BACH2: variants seen among roughly 807,000 people sequenced by gnomAD.
The protein encoded by BACH2 is transcription regulator protein BACH2.
BACH2 carries 5 observed loss-of-function variants against 61.8 expected under a neutral mutation model. The ratio of observed to expected loss-of-function variants is 0.08; its 90% confidence interval spans 0.04 to 0.17. The LOEUF (loss-of-function observed/expected upper bound fraction) is 0.17. BACH2 is among the 10% of genes least tolerant of loss of function. The probability of loss-of-function intolerance (pLI) is 1.00; values close to 1 mark genes in which losing one functional copy is unlikely to be tolerated. For missense variants in BACH2, 824 were observed against 1,091.1 expected (o/e 0.76, Z 3.45); for synonymous variants, 446 against 440.1 (o/e 1.01, Z -0.17).
chr6:90,098,772 T>C (rs1782490526), intron 4 of BACH2, among the ~76,000 whole-genome samples: 2 of 152,200 alleles, frequency 1.3e-5, no homozygotes, highest in East Asian at 1.9e-4. Context: ...TAACTTCTTC[T>C]GGGGCCACTT....
At chr6:90,191,463 A>G (rs1006272115) in intron 4 of BACH2, among the ~76,000 whole-genome samples, 3 of 152,206 alleles carry the variant, frequency 2.0e-5, no homozygotes, top group South Asian at 2.1e-4. Flanking sequence ...TCATTCTGGG[A>G]TTTTGTATTT....
chr6:90,295,280 A>G (rs1772305223), intron 1 of BACH2, among the ~76,000 whole-genome samples: 1 of 151,678 alleles, frequency 6.6e-6, no homozygotes, highest in African/African-American at 2.4e-5. Flanking sequence ...AAGTTACCAA[A>G]CTCGCCTACG....
intron 4 of BACH2, among the ~76,000 whole-genome samples, chr6:90,177,235 T>C (rs1238370865): frequency 6.6e-6 from 1 of 152,160 alleles, no homozygotes; most frequent in Non-Finnish European, 1.5e-5. Context: ...ACTATTTTAT[T>C]CACATGTATG....
intron 4 of BACH2, among the ~76,000 whole-genome samples, chr6:90,185,858 T>C (rs1433262484): frequency 2.0e-5 from 3 of 152,232 alleles, no homozygotes. Context: ...ATTAAAAATG[T>C]AGACAGAATA....
chr6:90,141,605 A>G (rs962866813), intron 4 of BACH2, among the ~76,000 whole-genome samples: 1 of 152,120 alleles, frequency 6.6e-6, no homozygotes, highest in Non-Finnish European at 1.5e-5. Context: ...AACAAAACAA[A>G]ACAACAATAA....
At chr6:89,941,875 T>C (rs888625906) in intron 7 of BACH2, among the ~76,000 whole-genome samples, 4 of 152,162 alleles carry the variant, frequency 2.6e-5, no homozygotes, top group African/African-American at 9.7e-5. Flanking sequence ...TGTATTTAAA[T>C]CATCCAGACA....
chr6:90,072,995 C>T (rs1433217216), intron 5 of BACH2, among the ~76,000 whole-genome samples: 2 of 152,144 alleles, frequency 1.3e-5, no homozygotes, highest in African/African-American at 4.8e-5. Flanking sequence ...TGAGCTTTTC[C>T]CTGGCTCATT....
chr6:90,251,549 C>T (rs187108765), intron 3 of BACH2, among the ~76,000 whole-genome samples: 59 of 97,528 alleles, frequency 6.0e-4, no homozygotes, highest in African/African-American at 1.5e-3. Flanking sequence ...TTAATCAACA[C>T]TCTTTTGCTA....
chr6:90,276,171 A>G (rs1428972558), intron 1 of BACH2, among the ~76,000 whole-genome samples: 1 of 152,232 alleles, frequency 6.6e-6, no homozygotes, highest in East Asian at 1.9e-4. Flanking sequence ...TATGACAGCC[A>G]TGTTCTAAAT....
At chr6:90,126,405 C>G (rs6916708) in intron 4 of BACH2, among the ~76,000 whole-genome samples, 2 of 152,042 alleles carry the variant, frequency 1.3e-5, no homozygotes, top group South Asian at 4.2e-4. Flanking sequence ...AGATACGGCA[C>G]GGGCAGAAGA....
chr6:90,013,436 T>TTCTTTC (rs1777831644), intron 5 of BACH2, among the ~76,000 whole-genome samples: 1 of 152,056 alleles, frequency 6.6e-6, no homozygotes, highest in Non-Finnish European at 1.5e-5. Context: ...GAAGTTTTAT[T>TTCTTTC]TCTTTCTCTC....
chr6:90,116,975 G>A (rs945514648), intron 4 of BACH2: 8 of 373,496 alleles, frequency 2.1e-5, no homozygotes, highest in Admixed American at 3.3e-5. Context: ...TGATAGACAT[G>A]GGTTGCTCCT....
At position 90,100,388 on chromosome 6, in the gene BACH2, C is replaced by G. The variant is rs111454544; in HGVS notation, c.-161-11279G>C. Among the ~76,000 whole-genome samples the G allele has an allele frequency of 5.9e-5, 9 of 152,142 alleles. No homozygotes were observed. The East Asian group carries it at 1.7e-3, about 29-fold the overall frequency. ...CTTGTGGTCAAACATGTTTGGGTGT[C>G]GTTACAAAGGTGTTTTTTAGATGAG... On this transcript the variant is annotated intron_variant, in intron 4 of 8. Coordinates refer to ENST00000257749, the MANE Select transcript of BACH2 (RefSeq NM_021813.4).
chr6:90,050,774 A>ATT (rs34979047), intron 5 of BACH2, among the ~76,000 whole-genome samples: 55 of 147,026 alleles, frequency 3.7e-4, no homozygotes, highest in East Asian at 1.0e-3. Flanking sequence ...GTTCTCGGTA[A>ATT]TTTTTTTTTT....
intron 5 of BACH2, among the ~76,000 whole-genome samples, chr6:90,031,372 G>A (rs1477043977): frequency 1.3e-5 from 2 of 152,074 alleles, no homozygotes. Flanking sequence ...GGCAGGAGAA[G>A]GAAATAAAGG....
Position 90,039,237 on chromosome 6 carries a change from C to T in BACH2, c.-12-30381G>A, listed in dbSNP as rs567613991. 7.6e-4 allele frequency among the ~76,000 whole-genome samples: 115 copies of T among 152,272 alleles called. 1 individual carries two copies. The highest frequency in any genetic ancestry group is 2.6e-3 in the African/African-American group (106 of 41,556). On this transcript the variant is annotated intron_variant, in intron 5 of 8. Transcript: ENST00000257749. ...TGTGTTATTATAAACAAGGTTGTAA[C>T]GTGTAATCTTGTAATTTTGTACACA...
intron 7 of BACH2, among the ~76,000 whole-genome samples, chr6:89,948,135 A>G (rs1442160536): frequency 6.6e-6 from 1 of 152,184 alleles, no homozygotes; most frequent in Non-Finnish European, 1.5e-5. Context: ...AAGAAGATGT[A>G]TCTGAAACTG....
intron 5 of BACH2, among the ~76,000 whole-genome samples, chr6:90,021,344 G>A (rs1778365113): frequency 1.4e-5 from 2 of 147,796 alleles, no homozygotes; most frequent in Non-Finnish European, 3.0e-5. Flanking sequence ...AGTGGGATCT[G>A]AAAAGCTGCA....
At chr6:90,192,259 T>C (rs1184257010) in intron 4 of BACH2, among the ~76,000 whole-genome samples, 3 of 152,088 alleles carry the variant, frequency 2.0e-5, no homozygotes, top group Non-Finnish European at 4.4e-5. Flanking sequence ...TCTTACAAAT[T>C]CCTTGGAGAA....
Sources: gnomAD v4.1 joint callset for allele counts (sites outside exome capture counted in the v4.1 genomes callset) on GRCh38, gnomAD v4.1.1 for gene constraint, MANE v1.5 for transcripts, NCBI Gene and HGNC (gene_info 2026-07-23, HGNC 2026-07-21) for gene names.